CYP2A6: variants seen among roughly 807,000 people sequenced by gnomAD.
CYP2A6 encodes the protein cytochrome P450 2A6.
A neutral mutation model predicts 42.3 loss-of-function variants in CYP2A6; 27 were observed. The observed-to-expected ratio is 0.64, with a 90% CI of 0.47 to 0.88. The LOEUF is 0.88. CYP2A6 is among the 40% of genes least tolerant of loss of function. The pLI, the probability that CYP2A6 is intolerant of heterozygous loss-of-function variation, is 0.00. For missense variants in CYP2A6, 628 were observed against 646.0 expected, an observed-to-expected ratio of 0.97 and a Z score of 0.30; for synonymous variants, 238 against 246.3, an observed-to-expected ratio of 0.97 and a Z score of 0.31.
At chr19:40,848,968 GAGAGAGAGA>G (rs1568515982) in intron 2 of CYP2A6, among the ~76,000 whole-genome samples, 28 of 115,222 alleles carry the variant, frequency 2.4e-4, no homozygotes, top group African/African-American at 9.8e-4. Context: ...GAGAGAGAGA[GAGAGAGAGA>G]AGAGAGAGAG....
At chr19:40,850,182 C>A (rs1967195274) in intron 1 of CYP2A6, 65 bp downstream of exon 1, 1 of 1,571,888 alleles carries the variant, frequency 6.4e-7, no homozygotes, top group Admixed American at 1.7e-5. Flanking sequence ...CAACCCCCTG[C>A]CACAAAGCCC....
chr19:40,845,339 G>A lies in CYP2A6; in HGVS notation c.1116C>T (p.Arg372=), dbSNP rs59992959. The A allele has an allele frequency of 1.2e-4, 191 of 1,611,618 alleles. 5 individuals carry two copies. The African/African-American group carries it at 1.6e-3, about 13-fold the overall frequency. ...FGDVIPMSLA[R]RVKKDTKFRD... is the part of the protein sequence containing the mutation. ...GAAACTTGGTGTCCTTTTTGACTCT[G>A]CGGGCCAAACTCATGGGGATCACGT... The change falls in exon 7 of 9, where the codon CGC becomes CGT. Residue 372 remains arginine, a synonymous_variant. Coordinates refer to ENST00000301141, the MANE Select transcript of CYP2A6 (RefSeq NM_000762.6).
rs775385645 is a variant in CYP2A6 at position 40,845,432 on chromosome 19, G to C, written c.1023C>G (p.Pro341=). 12 of 1,611,670 alleles carry C rather than the reference G, an allele frequency of 7.4e-6. No individual in the cohort carries two copies. The highest frequency in any genetic ancestry group is 6.7e-5 in the Admixed American group (4 of 59,958). ...GCATCTTGGCCCGGTCCTCAAACTT[G>C]GGCTGCCGGTTCTTGCCGATCACTC... The part of the protein sequence containing the change: ...IDRVIGKNRQ[P]KFEDRAKMPY... Residue 341 remains proline, a synonymous_variant, in exon 7 of 9, where the codon CCC becomes CCG. Transcript: ENST00000301141.
chr19:40,849,631 G>A (rs1190783400), intron 2 of CYP2A6, among the ~76,000 whole-genome samples, 187 bp downstream of exon 2: 4 of 151,420 alleles, frequency 2.6e-5, no homozygotes, highest in Non-Finnish European at 5.9e-5. Flanking sequence ...GAGGAATCAG[G>A]ACAGGGACGC....
chr19:40,848,818 C>G (rs1222162472), intron 2 of CYP2A6, 55 bp from the exon 3 acceptor site: 2 of 1,560,666 alleles, frequency 1.3e-6, no homozygotes, highest in South Asian at 2.3e-5. Flanking sequence ...GGGGCAGGAG[C>G]GGAGCAGCTC....
At chr19:40,848,195 A>C in intron 4 of CYP2A6, 24 bp downstream of exon 4, 1 of 1,609,884 alleles carries the variant, frequency 6.2e-7, no homozygotes. Context: ...TAGGGGCGTC[A>C]CGGGCCGGGC....
rs533171831 is a variant in CYP2A6 at position 40,848,130 on chromosome 19, C to G, written c.654+89G>C. On this transcript the variant is annotated intron_variant, in intron 4 of 8. Transcript: ENST00000301141. ...TTTTGAGGGGACACTGTCTGGAGGG[C>G]GGTGGGAGTTTGGGGCACCTGTCTC... is the stretch of plus-strand genomic sequence containing the variant. 1,234 of 1,573,216 alleles carry G rather than the reference C, an allele frequency of 7.8e-4. 20 individuals are homozygous for G. The highest frequency in any genetic ancestry group is 1.4e-3 in the Middle Eastern group (8 of 5,844).
intron 4 of CYP2A6, 86 bp from the exon 5 acceptor site, chr19:40,847,137 G>T (rs1967116013): frequency 6.5e-7 from 1 of 1,533,342 alleles, no homozygotes; most frequent in Non-Finnish European, 8.8e-7. Flanking sequence ...TCATAGCAAG[G>T]AAGGAACTGA....
In CYP2A6 at chr19:40,846,890, G is replaced by A. The variant is rs551638939; in HGVS notation, c.816C>T (p.Leu272=). 1.2e-6 allele frequency: 2 copies of A among 1,612,098 alleles called. No individual in the cohort carries two copies. The highest frequency in any genetic ancestry group is 2.2e-5 in the South Asian group (2 of 90,934). ...NSPRDFIDSF[L]IRMQEEEKNP... ...TGGGGTGTACCTCCTGCATGCGGATGAGAAAGGAGTCAATGAAGTCCCGTG... is the reference window on the plus strand; with the variant it reads ...TGGGGTGTACCTCCTGCATGCGGATAAGAAAGGAGTCAATGAAGTCCCGTG... The change falls in exon 5 of 9, where the codon CTC becomes CTT. Residue 272 remains leucine, a synonymous_variant. Coordinates refer to ENST00000301141, the MANE Select transcript of CYP2A6 (RefSeq NM_000762.6).
intron 8 of CYP2A6, 92 bp downstream of exon 8, chr19:40,844,538 GA>G (rs1261446837): frequency 6.2e-7 from 1 of 1,601,788 alleles, no homozygotes; most frequent in Admixed American, 1.7e-5. Flanking sequence ...CCAAGCTGGA[GA>G]AATACCAGGC....
rs550606305 is a variant in CYP2A6 at position 40,846,528 on chromosome 19, C to T, written c.831+347G>A. On this transcript the variant is annotated intron_variant, in intron 5 of 8. Coordinates refer to ENST00000301141, the MANE Select transcript of CYP2A6 (RefSeq NM_000762.6). ...TTAATTAATTTTTTTTGACACAGGGCCTCATTCTGTCACCCAGACTGGAGT... is the reference window on the plus strand; with the variant it reads ...TTAATTAATTTTTTTTGACACAGGGTCTCATTCTGTCACCCAGACTGGAGT... Among the ~76,000 whole-genome samples, 7 of 151,262 alleles carry T rather than the reference C, an allele frequency of 4.6e-5. No individual in the cohort carries two copies. In the East Asian group the frequency reaches 6.1e-4, roughly 13 times the overall value.
rs1967169791 is a variant in CYP2A6, at chr19:40,849,045, G to GGGAGAGAGA, written c.344-283_344-282insTCTCTCTCC. 8.2e-5 allele frequency among the ~76,000 whole-genome samples: 2 copies of GGGAGAGAGA among 24,246 alleles called. 1 individual carries two copies. The highest frequency in any genetic ancestry group is 1.4e-4 in the Non-Finnish European group (2 of 14,442). 15.9% of individuals were successfully genotyped at this position (24,246 alleles called of 152,430 possible). ...AGGAGAGAGAGAGAGAAGAGAGAGA[G>GGGAGAGAGA]GAGAGAGAGAGAGAGAGAGAGAGAG... On this transcript the variant is annotated intron_variant, in intron 2 of 8. Transcript: ENST00000301141.
chr19:40,848,604 C>T lies in CYP2A6; in HGVS notation c.493+10G>A, dbSNP rs758101484. 3 of 1,610,372 alleles carry T rather than the reference C, an allele frequency of 1.9e-6. No individual in the cohort carries two copies. Among genetic ancestry groups the T allele is most frequent in the Non-Finnish European group, 2.5e-6 (3 of 1,178,870 alleles). Reference sequence around the variant, plus strand: ...TTCTCCTGCCCCCGCACTCGGGGTCCCCTGCTCACCGCCAGTGCCCCGGAG... The same window carrying T: ...TTCTCCTGCCCCCGCACTCGGGGTCTCCTGCTCACCGCCAGTGCCCCGGAG... On this transcript the variant is annotated intron_variant, in intron 3 of 8. Coordinates refer to ENST00000301141, the MANE Select transcript of CYP2A6 (RefSeq NM_000762.6).
Position 40,845,587 on chromosome 19 carries a change from C to T in CYP2A6, c.974-106G>A, listed in dbSNP as rs769962960. 51 of 1,518,236 alleles carry T rather than the reference C, an allele frequency of 3.4e-5. No individual in the cohort carries two copies. The Admixed American group carries it at 3.9e-4, about 12-fold the overall frequency. The allele number at this position is 1,518,236 out of a possible 1,614,324, so 94.0% of individuals were successfully genotyped here. ...GGATGATATGGCTCCGCCTATGAGA[C>T]GGAAGTAGAGCATTCATAACAGAAC... On this transcript the variant is annotated intron_variant, in intron 6 of 8. Coordinates refer to ENST00000301141, the MANE Select transcript of CYP2A6 (RefSeq NM_000762.6).
Position 40,844,312 on chromosome 19 carries a change from G to A in CYP2A6, c.1303+319C>T, listed in dbSNP as rs145026630. On this transcript the variant is annotated intron_variant, in intron 8 of 8. Transcript: ENST00000301141. The stretch of plus-strand genomic sequence containing the variant: ...ATCCATGCCAGGTGTAGCAATGGGA[G>A]GTTTAGATGTCCTTTCCTGCCAGGT... 1.5e-3 allele frequency among the ~76,000 whole-genome samples: 226 copies of A among 151,356 alleles called. 10 individuals are homozygous for A. Among genetic ancestry groups the A allele is most frequent in the African/African-American group, 5.4e-3 (220 of 41,044 alleles).
At chr19:40,846,592 C>A (rs1037927648) in intron 5 of CYP2A6, among the ~76,000 whole-genome samples, 9 of 151,348 alleles carry the variant, frequency 5.9e-5, no homozygotes, top group East Asian at 2.0e-4. Context: ...CCTCTGCCCC[C>A]CTTCGCGCCA....
chr19:40,848,342 T>A lies in CYP2A6; in HGVS notation c.531A>T (p.Thr177=), dbSNP rs752143718. 2.1e-5 allele frequency: 34 copies of A among 1,611,808 alleles called. 2 individuals carry two copies. Among genetic ancestry groups the A allele is most frequent in the Non-Finnish European group, 2.6e-5 (31 of 1,179,952 alleles). The change falls in exon 4 of 9, where the codon ACA becomes ACT. Residue 177 remains threonine (T), a synonymous_variant. Coordinates refer to ENST00000301141, the MANE Select transcript of CYP2A6 (RefSeq NM_000762.6). ...NIDPTFFLSR[T]VSNVISSIVF... ...CAATGGAGCTGATGACATTGGAGAC[T>A]GTGCGGCTCAGGAAGAAGGTGGGAT...
In CYP2A6 at chr19:40,846,048, G is replaced by C. The variant is rs4997557; in HGVS notation, c.881C>G (p.Thr294Ser). ...GCCCCCAATGAAGAGGTTCAACGTG[G>C]TCATCACCAGGTTTTTCAAGTAGAA... ...TEFYLKNLVM[T>S]TLNLFIGGTE... Residue 294 changes from threonine (T) to serine (S), a missense_variant, in exon 6 of 9, where the codon ACC becomes AGC. Around this residue, in one of 2 missense-constraint regions of CYP2A6, gnomAD observed 606 missense variants for 568.1 expected, o/e 1.07. Coordinates refer to ENST00000301141, the MANE Select transcript of CYP2A6 (RefSeq NM_000762.6). The C allele has an allele frequency of 3.1e-5, 50 of 1,611,586 alleles. 1 individual carries two copies. In the African/African-American group the frequency reaches 5.1e-4, roughly 16 times the overall value.
chr19:40,848,376 G>A lies in CYP2A6; in HGVS notation c.497C>T (p.Ala166Val). ...LIDALRGTGG[A>V]NIDPTFFLSR... Reference sequence around the variant, plus strand: ...CAGGAAGAAGGTGGGATCGATATTGGCGCCTGCGGGTATGGCGGGAGAAGG... The same window carrying A: ...CAGGAAGAAGGTGGGATCGATATTGACGCCTGCGGGTATGGCGGGAGAAGG... Residue 166 changes from alanine (A) to valine (V), a missense_variant, in exon 4 of 9, where the codon GCC (alanine) becomes GTC (valine). Transcript: ENST00000301141. The A allele has an allele frequency of 1.2e-6, 2 of 1,611,928 alleles. No homozygotes were observed. Among genetic ancestry groups the A allele is most frequent in the Middle Eastern group, 1.7e-4 (1 of 6,030 alleles).
Sources: gnomAD v4.1 joint callset for allele counts (sites outside exome capture counted in the v4.1 genomes callset) on GRCh38, gnomAD v4.1.1 for gene constraint, gnomAD v4.1.1 regional missense constraint, MANE v1.5 for transcripts, NCBI Gene and HGNC (gene_info 2026-07-23, HGNC 2026-07-21) for gene names.